NMNAT3: variants seen among roughly 807,000 people sequenced by gnomAD.
NMNAT3 encodes nicotinamide/nicotinic acid mononucleotide adenylyltransferase 3.
NMNAT3 carries 21 observed loss-of-function variants against 24.8 expected under a neutral mutation model. The ratio of observed to expected loss-of-function variants is 0.85; its 90% CI spans 0.60 to 1.22. NMNAT3 has a LOEUF of 1.22. NMNAT3 is among the 50% of genes most tolerant of loss of function. The pLI is 0.00. For missense variants in NMNAT3, 387 were observed against 436.6 expected (o/e 0.89, Z 1.01); for synonymous variants, 136 against 155.2 (o/e 0.88, Z 0.92).
chr3:139,585,716 G>T (rs556862469), intron 3 of NMNAT3, among the ~76,000 whole-genome samples: 1 of 152,186 alleles, frequency 6.6e-6, no homozygotes, highest in Non-Finnish European at 1.5e-5. Flanking sequence ...TCTGAGCAAG[G>T]ACTCATGTGT....
At chr3:139,612,348 G>A (rs1029951841) in intron 3 of NMNAT3, among the ~76,000 whole-genome samples, 3 of 152,044 alleles carry the variant, frequency 2.0e-5, no homozygotes, top group South Asian at 2.1e-4. Context: ...TTTCCTACTC[G>A]GTAGAGTTTC....
chr3:139,594,308 T>G (rs2054340471), intron 3 of NMNAT3, among the ~76,000 whole-genome samples: 1 of 152,246 alleles, frequency 6.6e-6, no homozygotes, highest in Admixed American at 6.5e-5. Flanking sequence ...GCTGAAAATG[T>G]GGCAATAATC....
At chr3:139,567,869 GA>G (rs1196973462) in intron 6 of NMNAT3, 1 of 152,180 alleles carries the variant, frequency 6.6e-6, no homozygotes. Context: ...ATGAGTTAGG[GA>G]GGATTCCCTC....
chr3:139,595,223 A>G (rs1322683488), intron 3 of NMNAT3, among the ~76,000 whole-genome samples: 5 of 152,208 alleles, frequency 3.3e-5, no homozygotes, highest in Non-Finnish European at 5.9e-5. Flanking sequence ...TGCTTCAAAG[A>G]GAATAAAATA....
intron 3 of NMNAT3, among the ~76,000 whole-genome samples, chr3:139,622,420 G>A (rs144262223): frequency 0.012 from 1,762 of 150,320 alleles, 17 homozygotes; most frequent in Middle Eastern, 0.058. Flanking sequence ...CACAGAAAAG[G>A]TACAGTAAAA....
At chr3:139,666,560 C>T (rs1423092843) in intron 1 of NMNAT3, among the ~76,000 whole-genome samples, 3 of 152,192 alleles carry the variant, frequency 2.0e-5, no homozygotes. Flanking sequence ...AAATCCATAA[C>T]CTCAAATATT....
chr3:139,624,870 G>A (rs1188588627), intron 3 of NMNAT3, among the ~76,000 whole-genome samples: 2 of 152,148 alleles, frequency 1.3e-5, no homozygotes. Context: ...AGGTCAAATT[G>A]TTTAATAGTG....
chr3:139,580,579 C>G (rs543289495), intron 4 of NMNAT3, among the ~76,000 whole-genome samples: 25 of 152,188 alleles, frequency 1.6e-4, no homozygotes, highest in Non-Finnish European at 2.8e-4. Context: ...CACATACAGA[C>G]AGACGCTCGC....
chr3:139,618,234 C>T (rs2055599269), intron 3 of NMNAT3, among the ~76,000 whole-genome samples: 1 of 152,158 alleles, frequency 6.6e-6, no homozygotes, highest in East Asian at 1.9e-4. Flanking sequence ...GTCTCTTGAG[C>T]ACGGATGACT....
chr3:139,574,595 A>T (rs778453775), intron 5 of NMNAT3, among the ~76,000 whole-genome samples: 8 of 152,090 alleles, frequency 5.3e-5, no homozygotes, highest in Non-Finnish European at 1.0e-4. Context: ...CATTTACTAG[A>T]ACTGTATTTA....
chr3:139,603,879 AAAG>A (rs1302348512), intron 3 of NMNAT3, among the ~76,000 whole-genome samples: 3 of 152,230 alleles, frequency 2.0e-5, no homozygotes, highest in Non-Finnish European at 2.9e-5. Context: ...CCAGATGAAG[AAAG>A]AAGAAGAGAT....
chr3:139,596,916 G>GTGTGTATA (rs1393197797), intron 3 of NMNAT3, among the ~76,000 whole-genome samples: 52 of 97,122 alleles, frequency 5.4e-4, no homozygotes, highest in South Asian at 8.4e-4. Context: ...TGTCATGTGT[G>GTGTGTATA]TATATATATA....
chr3:139,582,190 C>CAAAAAAAAAAAAAAA (rs756159164), intron 4 of NMNAT3, among the ~76,000 whole-genome samples: 1 of 23,068 alleles, frequency 4.3e-5, no homozygotes, highest in Non-Finnish European at 9.2e-5. Flanking sequence ...GACTCCCTCT[C>CAAAAAAAAAAAAAAA]AAAAAAAAAA....
chr3:139,632,558 C>A (rs902669609), intron 2 of NMNAT3, among the ~76,000 whole-genome samples: 4 of 152,216 alleles, frequency 2.6e-5, no homozygotes, highest in Non-Finnish European at 5.9e-5. Context: ...TCTACAACAG[C>A]CTGGTCTCTG....
chr3:139,618,845 G>A (rs1347907424), intron 3 of NMNAT3, among the ~76,000 whole-genome samples: 2 of 152,172 alleles, frequency 1.3e-5, no homozygotes, highest in Non-Finnish European at 2.9e-5. Context: ...GCTGTGCAGA[G>A]AAGGAAAATT....
At chr3:139,615,461 A>ATCTATCTG (rs1268137267) in intron 3 of NMNAT3, among the ~76,000 whole-genome samples, 1 of 145,304 alleles carries the variant, frequency 6.9e-6, no homozygotes, top group Non-Finnish European at 1.5e-5. Flanking sequence ...CTATCTATCT[A>ATCTATCTG]TCCATCCACC....
chr3:139,631,041 A>G (rs1375946615), intron 2 of NMNAT3, among the ~76,000 whole-genome samples: 2 of 152,152 alleles, frequency 1.3e-5, no homozygotes, highest in Admixed American at 1.3e-4. Context: ...AATTAGAACA[A>G]TTTGTTTGAA....
At chr3:139,616,437 C>T (rs1291023772) in intron 3 of NMNAT3, among the ~76,000 whole-genome samples, 2 of 152,162 alleles carry the variant, frequency 1.3e-5, no homozygotes, top group Non-Finnish European at 2.9e-5. Flanking sequence ...CTCTCACTCT[C>T]TCTGTGATCT....
At chr3:139,674,079 A>C (rs12185946) in intron 1 of NMNAT3, among the ~76,000 whole-genome samples, 59,758 of 151,868 alleles carry the variant, frequency 0.39, 11,981 homozygotes, top group Non-Finnish European at 0.43. Context: ...GAAGACCAGG[A>C]TTTCACTGGG....
Sources: gnomAD v4.1 joint callset for allele counts (sites outside exome capture counted in the v4.1 genomes callset) on GRCh38, gnomAD v4.1.1 for gene constraint, MANE v1.5 for transcripts, NCBI Gene and HGNC (gene_info 2026-07-23, HGNC 2026-07-21) for gene names.